Variants in PHF20L1 observed in about 807,000 individuals in gnomAD.
The protein encoded by PHF20L1 is PHD finger protein 20 like 1.
A neutral mutation model predicts 125.5 loss-of-function variants in PHF20L1; 44 were observed. That is an observed-to-expected ratio of 0.35 (90% CI 0.28 to 0.45). PHF20L1 has a LOEUF of 0.45. Among genes scored for constraint, PHF20L1 ranks in the 20% least tolerant of loss-of-function variants. The pLI, the probability that PHF20L1 is intolerant of heterozygous loss-of-function variation, is 1.00. For synonymous variants in PHF20L1, 380 were observed against 403.1 expected (o/e 0.94, Z 0.69); for missense variants, 1,012 against 1,217.2 (o/e 0.83, Z 2.51).
chr8:132,809,337 T>C (rs1834099937), intron 8 of PHF20L1: 1 of 152,044 alleles, frequency 6.6e-6, no homozygotes, highest in African/African-American at 2.4e-5. Context: ...CAGCTAATTT[T>C]TGTATTTTTA....
At chr8:132,811,866 G>A (rs1371487938) in intron 9 of PHF20L1, 1 of 979,516 alleles carries the variant, frequency 1.0e-6, no homozygotes, top group Non-Finnish European at 1.2e-6. Flanking sequence ...CCTTAATGTA[G>A]TTTTAATATA....
At chr8:132,843,942 C>T (rs747795380) in intron 19 of PHF20L1, 6 of 984,944 alleles carry the variant, frequency 6.1e-6, no homozygotes, top group South Asian at 4.7e-5. Context: ...TAGCACCATG[C>T]GAGGCATAGT....
At chr8:132,797,274 G>C (rs1832509616) in intron 4 of PHF20L1, among the ~76,000 whole-genome samples, 1 of 152,064 alleles carries the variant, frequency 6.6e-6, no homozygotes. Flanking sequence ...CATCCGTTCA[G>C]TGTAAGAGCA....
intron 2 of PHF20L1, among the ~76,000 whole-genome samples, chr8:132,785,751 G>A (rs1224316636): frequency 6.6e-6 from 1 of 152,068 alleles, no homozygotes; most frequent in Non-Finnish European, 1.5e-5. Context: ...TAAAGTTGAA[G>A]GAAGAGTATA....
intron 8 of PHF20L1, chr8:132,808,208 A>G (rs1166551270): frequency 1.3e-5 from 2 of 152,312 alleles, no homozygotes; most frequent in African/African-American, 4.8e-5. Flanking sequence ...CCAAGTATGC[A>G]TTTTAAAATC....
intron 19 of PHF20L1, chr8:132,843,194 T>A: frequency 9.6e-7 from 1 of 1,039,632 alleles, no homozygotes; most frequent in Non-Finnish European, 1.2e-6. Flanking sequence ...TGTGTAAGAA[T>A]GTGAAAGTAC....
chr8:132,810,904 T>G (rs1563815798), intron 8 of PHF20L1, 142 bp from the exon 9 acceptor site: 1 of 628,224 alleles, frequency 1.6e-6, no homozygotes, highest in Non-Finnish European at 2.9e-6. Flanking sequence ...CATATTTGTA[T>G]TTTTGAAAAG....
At chr8:132,823,047 T>G (rs1268396653) in intron 12 of PHF20L1, among the ~76,000 whole-genome samples, 1 of 152,012 alleles carries the variant, frequency 6.6e-6, no homozygotes, top group Non-Finnish European at 1.5e-5. Context: ...AGCTGCACAG[T>G]AATTAAAGGT....
At chr8:132,832,436 C>G in intron 15 of PHF20L1, 37 bp downstream of exon 15, 1 of 1,472,582 alleles carries the variant, frequency 6.8e-7, no homozygotes, top group Non-Finnish European at 9.5e-7. Flanking sequence ...ACAAGACTTA[C>G]AATTCCTAAA....
chr8:132,819,659 A>G (rs1245440853), intron 12 of PHF20L1, among the ~76,000 whole-genome samples: 1 of 151,596 alleles, frequency 6.6e-6, no homozygotes, highest in Non-Finnish European at 1.5e-5. Flanking sequence ...CTAGAGCCAA[A>G]GTGCCAGGTT....
At chr8:132,843,738 T>C (rs1262234204) in intron 19 of PHF20L1, 1 of 985,068 alleles carries the variant, frequency 1.0e-6, no homozygotes, top group East Asian at 1.1e-4. Context: ...TGTAGTTAAT[T>C]AGATTTTATA....
chr8:132,777,661 A>G, intron 1 of PHF20L1, 131 bp from the exon 2 acceptor site: 1 of 544,594 alleles, frequency 1.8e-6, no homozygotes, highest in East Asian at 2.9e-5. Context: ...TTTCTTAACA[A>G]TTTGGCAAGT....
rs536332021 is a variant in PHF20L1, at chr8:132,807,943, C to G, written c.848-3103C>G. ...TACATAGGTAATTAATAGGTACTTG[C>G]TTATAATTTCCTTTCAGTTAATTCT... On this transcript the variant is annotated intron_variant, in intron 8 of 20. Transcript: ENST00000395386. 679 of 232,082 alleles carry G rather than the reference C, an allele frequency of 2.9e-3. 11 individuals are homozygous for G. In the South Asian group the frequency reaches 0.031, roughly 11 times the overall value. The allele number at this position is 232,082 out of a possible 1,614,324, so 14.4% of individuals were successfully genotyped here. A position where few individuals can be genotyped will look rare whatever the true frequency, so the allele number is the denominator to read the frequency against.
intron 6 of PHF20L1, among the ~76,000 whole-genome samples, chr8:132,802,267 C>G (rs764707847): frequency 1.2e-4 from 18 of 151,362 alleles, no homozygotes; most frequent in Non-Finnish European, 1.9e-4. Context: ...ATCGCTCTTT[C>G]ACTTTTCTGT....
intron 20 of PHF20L1, among the ~76,000 whole-genome samples, chr8:132,845,219 G>C (rs1838315933): frequency 6.6e-6 from 1 of 152,030 alleles, no homozygotes; most frequent in East Asian, 1.9e-4. Flanking sequence ...ATAATCAATT[G>C]CATTCTGCCT....
intron 15 of PHF20L1, among the ~76,000 whole-genome samples, chr8:132,832,995 T>C (rs1836940355): frequency 6.6e-6 from 1 of 152,080 alleles, no homozygotes; most frequent in Non-Finnish European, 1.5e-5. Context: ...TGTTAGACTT[T>C]CCTGCAGGTC....
intron 19 of PHF20L1, chr8:132,843,420 A>AT: frequency 2.0e-6 from 2 of 981,026 alleles, no homozygotes; most frequent in Non-Finnish European, 2.4e-6. Flanking sequence ...CTGATTTTCA[A>AT]TTAATGAGGC....
intron 1 of PHF20L1, 56 bp from the exon 2 acceptor site, chr8:132,777,736 A>G (rs976431469): frequency 2.5e-6 from 2 of 784,654 alleles, no homozygotes; most frequent in Non-Finnish European, 4.5e-6. Context: ...GTTCCCTTAT[A>G]CTCTACTTCC....
At chr8:132,793,689 A>G (rs913207794) in intron 2 of PHF20L1, among the ~76,000 whole-genome samples, 4 of 152,224 alleles carry the variant, frequency 2.6e-5, no homozygotes, top group Non-Finnish European at 5.9e-5. Flanking sequence ...TTGGAATTAC[A>G]GAATTACCAC....
Sources: allele counts gnomAD v4.1 joint callset (sites outside exome capture counted in the v4.1 genomes callset), GRCh38; gene constraint gnomAD v4.1.1; transcripts MANE v1.5; gene names NCBI Gene and HGNC (gene_info 2026-07-23, HGNC 2026-07-21).